EFNA5: variants seen among roughly 807,000 people sequenced by gnomAD.
EFNA5 encodes the protein ephrin A5, also known as ephrin-A5.
EFNA5 carries 5 observed loss-of-function variants against 22.9 expected under a neutral mutation model. The observed-to-expected ratio is 0.22, with a 90% CI of 0.11 to 0.46. The LOEUF (loss-of-function observed/expected upper bound fraction) is 0.46, where lower values mean the gene tolerates loss of function less well. EFNA5 is among the 20% of genes least tolerant of loss of function. The pLI, the probability that EFNA5 is intolerant of heterozygous loss-of-function variation, is 0.99. For missense variants in EFNA5, 237 were observed against 293.3 expected (o/e 0.81, Z 1.40); for synonymous variants, 113 against 112.2 (o/e 1.01, Z -0.04).
rs3733883 is a variant in EFNA5 at position 107,377,415 on chromosome 5, G to A, written c.*3840C>T. The A allele has an allele frequency of 2.6e-5, 4 of 152,098 alleles. No homozygotes were observed. Among genetic ancestry groups the A allele is most frequent in the South Asian group, 4.1e-4 (2 of 4,820 alleles). The allele number at this position is 152,098 out of a possible 1,614,324, so 9.4% of individuals were successfully genotyped here. ...AAAAAATAAACATACTAAGTAAAAG[G>A]GGGGTGGTGTAGGCAAACGGGGGTG... is the stretch of plus-strand genomic sequence containing the variant. On this transcript the variant is annotated 3_prime_UTR_variant, in exon 5 of 5. Transcript: ENST00000333274.
rs141260493 is a variant in EFNA5 at position 107,477,868 on chromosome 5, A to G, written c.126-50359T>C. 3.9e-4 allele frequency among the ~76,000 whole-genome samples: 59 copies of G among 152,200 alleles called. No homozygotes were observed. The East Asian group carries it at 5.4e-3, about 14-fold the overall frequency. Reference sequence around the variant, plus strand: ...TCAATATACCCTAAATCAAATACATACCTCCTCTAAAGAGAGTTCCCCTTG... The same window carrying G: ...TCAATATACCCTAAATCAAATACATGCCTCCTCTAAAGAGAGTTCCCCTTG... On this transcript the variant is annotated intron_variant, in intron 1 of 4. Transcript: ENST00000333274.
Position 107,642,325 on chromosome 5 carries a change from T to C in EFNA5, c.125+28164A>G, listed in dbSNP as rs1247408073. ...ATACTTCAAAATTGCTGAGAGCAGA[T>C]TTCAAGGGTTCTCACCACAAAAAAT... On this transcript the variant is annotated intron_variant, in intron 1 of 4. Transcript: ENST00000333274. Among the ~76,000 whole-genome samples the C allele has an allele frequency of 1.1e-4, 16 of 152,206 alleles. No homozygotes were observed. In the East Asian group the frequency reaches 3.1e-3, roughly 29 times the overall value.
intron 1 of EFNA5, among the ~76,000 whole-genome samples, chr5:107,569,367 GTA>G (rs377698812): frequency 2.3e-5 from 3 of 127,862 alleles, no homozygotes; most frequent in Non-Finnish European, 4.7e-5. Context: ...ATATATACGT[GTA>G]TATATATATA....
chr5:107,540,742 G>C (rs1169537867), intron 1 of EFNA5, among the ~76,000 whole-genome samples: 2 of 152,178 alleles, frequency 1.3e-5, no homozygotes, highest in African/African-American at 4.8e-5. Context: ...GATTTTGAGT[G>C]AGAAAGCCTA....
intron 1 of EFNA5, among the ~76,000 whole-genome samples, chr5:107,583,748 G>A (rs767085758): frequency 1.3e-5 from 2 of 152,168 alleles, no homozygotes; most frequent in African/African-American, 2.4e-5. Flanking sequence ...CTTATAACAA[G>A]TACTTTATAT....
Position 107,395,284 on chromosome 5 carries a change from C to A in EFNA5, c.419-7513G>T, listed in dbSNP as rs544380061. 8.6e-5 allele frequency among the ~76,000 whole-genome samples: 13 copies of A among 152,026 alleles called. No homozygotes were observed. The South Asian group carries it at 2.7e-3, about 32-fold the overall frequency. On this transcript the variant is annotated intron_variant, in intron 2 of 4. Transcript: ENST00000333274. ...GAACTTCTGACCTCAAGTGATCCCC[C>A]TGCCTCAGCCTGCCAAAGTGCTGAG...
At chr5:107,468,638 A>C (rs1750057571) in intron 1 of EFNA5, among the ~76,000 whole-genome samples, 1 of 152,312 alleles carries the variant, frequency 6.6e-6, no homozygotes, top group Admixed American at 6.5e-5. Context: ...GCAAGAGTTA[A>C]AACCTCACCA....
chr5:107,570,294 C>T (rs1007129920), intron 1 of EFNA5, among the ~76,000 whole-genome samples: 1 of 152,208 alleles, frequency 6.6e-6, no homozygotes, highest in Non-Finnish European at 1.5e-5. Flanking sequence ...TCCCACATTT[C>T]ACATCAACAG....
At chr5:107,483,211 G>T (rs558798450) in intron 1 of EFNA5, among the ~76,000 whole-genome samples, 33 of 151,924 alleles carry the variant, frequency 2.2e-4, no homozygotes, top group African/African-American at 7.5e-4. Context: ...TGTTGTTGTT[G>T]TTTTTTTCCC....
chr5:107,503,543 G>A (rs1320785373), intron 1 of EFNA5, among the ~76,000 whole-genome samples: 1 of 152,166 alleles, frequency 6.6e-6, no homozygotes, highest in Non-Finnish European at 1.5e-5. Context: ...GAAAAAGTCA[G>A]CATAAAATTA....
rs191604582 is a variant in EFNA5, at chr5:107,504,599, T to C, written c.126-77090A>G. On this transcript the variant is annotated intron_variant, in intron 1 of 4. Transcript: ENST00000333274. ...AAGAGCACAGACAGATACAGATATCTAATTACTACATTACCCTGGGCAAAT... is the reference window on the plus strand; with the variant it reads ...AAGAGCACAGACAGATACAGATATCCAATTACTACATTACCCTGGGCAAAT... 4.1e-4 allele frequency among the ~76,000 whole-genome samples: 62 copies of C among 152,330 alleles called. 1 individual carries two copies. Among genetic ancestry groups the C allele is most frequent in the Admixed American group, 2.9e-3 (45 of 15,296 alleles).
chr5:107,522,971 T>A (rs1433965732), intron 1 of EFNA5, among the ~76,000 whole-genome samples: 1 of 152,248 alleles, frequency 6.6e-6, no homozygotes, highest in Non-Finnish European at 1.5e-5. Context: ...ACAGGGTTCA[T>A]CAAATGTAAA....
chr5:107,407,367 A>G (rs1347927707), intron 2 of EFNA5, among the ~76,000 whole-genome samples: 2 of 152,204 alleles, frequency 1.3e-5, no homozygotes, highest in Non-Finnish European at 2.9e-5. Flanking sequence ...GCGGAAAGCT[A>G]AAATCTCGGA....
At chr5:107,563,661 C>T (rs1184726638) in intron 1 of EFNA5, among the ~76,000 whole-genome samples, 4 of 152,074 alleles carry the variant, frequency 2.6e-5, no homozygotes, top group Non-Finnish European at 5.9e-5. Flanking sequence ...GGCTGGCCTC[C>T]AGCTCCCGGC....
At position 107,581,481 on chromosome 5, in the gene EFNA5, G is replaced by A. The variant is rs193091880; in HGVS notation, c.125+89008C>T. 1.8e-3 allele frequency among the ~76,000 whole-genome samples: 280 copies of A among 152,272 alleles called. 1 individual carries two copies. The highest frequency in any genetic ancestry group is 3.0e-3 in the Non-Finnish European group (205 of 68,012). ...CTAGTCTACAGCACATCGAATATCT[G>A]ATTAAGCTGCAGGCCAGAATTATAC... On this transcript the variant is annotated intron_variant, in intron 1 of 4. Coordinates refer to ENST00000333274, the MANE Select transcript of EFNA5 (RefSeq NM_001962.3).
At chr5:107,630,453 T>A (rs912799396) in intron 1 of EFNA5, among the ~76,000 whole-genome samples, 3 of 152,146 alleles carry the variant, frequency 2.0e-5, no homozygotes, top group African/African-American at 7.2e-5. Context: ...TATTTGCATA[T>A]CTAAATGTAT....
chr5:107,495,810 G>T (rs973801887), intron 1 of EFNA5, among the ~76,000 whole-genome samples: 6 of 152,110 alleles, frequency 3.9e-5, no homozygotes, highest in South Asian at 2.1e-4. Flanking sequence ...ATATACAATG[G>T]TTATAGGCCT....
intron 1 of EFNA5, among the ~76,000 whole-genome samples, chr5:107,609,530 C>T (rs557465832): frequency 2.0e-5 from 3 of 152,214 alleles, no homozygotes; most frequent in South Asian, 4.2e-4. Flanking sequence ...TCTTAAAACA[C>T]GGCAAGTGTA....
chr5:107,429,868 C>T (rs939770430), intron 1 of EFNA5, among the ~76,000 whole-genome samples: 2 of 151,954 alleles, frequency 1.3e-5, no homozygotes, highest in African/African-American at 4.8e-5. Flanking sequence ...TGTATATTTC[C>T]CCTTTTAAAA....
Sources: allele counts gnomAD v4.1 joint callset (sites outside exome capture counted in the v4.1 genomes callset), GRCh38; gene constraint gnomAD v4.1.1; transcripts MANE v1.5; gene names NCBI Gene and HGNC (gene_info 2026-07-23, HGNC 2026-07-21).